Variants in DAB1 observed in about 807,000 individuals in gnomAD.
The protein encoded by DAB1 is disabled homolog 1.
A neutral mutation model predicts 64.6 loss-of-function variants in DAB1; 15 were observed. The observed-to-expected ratio is 0.23, with a 90% CI of 0.16 to 0.36. The LOEUF (loss-of-function observed/expected upper bound fraction) is 0.36. Ranked by LOEUF, DAB1 falls within the 10% of genes least tolerant of loss-of-function variation. DAB1 has a pLI of 1.00. For missense variants in DAB1, 596 were observed against 706.7 expected (o/e 0.84, Z 1.78); for synonymous variants, 235 against 251.9 (o/e 0.93, Z 0.64).
At chr1:57,290,410 C>T (rs1672677130) in intron 2 of DAB1, among the ~76,000 whole-genome samples, 1 of 152,138 alleles carries the variant, frequency 6.6e-6, no homozygotes, top group South Asian at 2.1e-4. Flanking sequence ...GAATCTGACA[C>T]TTTGAGATGA....
At chr1:57,129,157 G>A (rs1372842988) in intron 4 of DAB1, among the ~76,000 whole-genome samples, 1 of 152,090 alleles carries the variant, frequency 6.6e-6, no homozygotes, top group Non-Finnish European at 1.5e-5. Flanking sequence ...GAAAATTTCT[G>A]AGTTGACCAA....
At chr1:57,958,810 C>T (rs1004151974) in intron 5 of DAB1, among the ~76,000 whole-genome samples, 1 of 152,118 alleles carries the variant, frequency 6.6e-6, no homozygotes, top group African/African-American at 2.4e-5. Flanking sequence ...CATCATCTTC[C>T]TTCTATGCTT....
At chr1:57,194,712 G>C (rs1664474306) in intron 2 of DAB1, among the ~76,000 whole-genome samples, 1 of 152,176 alleles carries the variant, frequency 6.6e-6, no homozygotes, top group Non-Finnish European at 1.5e-5. Context: ...CCACTAGCCT[G>C]AGTGCTAGTG....
intron 3 of DAB1, among the ~76,000 whole-genome samples, chr1:58,350,178 T>C: frequency 6.6e-6 from 1 of 152,264 alleles, no homozygotes; most frequent in Non-Finnish European, 1.5e-5. Context: ...TATCTCATTG[T>C]GGTTTTGATT....
intron 7 of DAB1, among the ~76,000 whole-genome samples, chr1:57,507,910 T>A (rs1644363756): frequency 6.6e-6 from 1 of 152,198 alleles, no homozygotes; most frequent in Non-Finnish European, 1.5e-5. Context: ...TCTACCACAA[T>A]GATTCAAAAA....
intron 4 of DAB1, among the ~76,000 whole-genome samples, chr1:58,320,882 C>A (rs555457208): frequency 6.6e-6 from 1 of 152,132 alleles, no homozygotes; most frequent in Non-Finnish European, 1.5e-5. Flanking sequence ...GGCAAGAGAT[C>A]GGAGGAGGAG....
intron 5 of DAB1, among the ~76,000 whole-genome samples, chr1:58,013,025 C>T (rs1646690458): frequency 6.6e-6 from 1 of 152,138 alleles, no homozygotes; most frequent in African/African-American, 2.4e-5. Context: ...TTCCTTATTA[C>T]ACAAAATGAC....
At chr1:57,275,846 C>T (rs1462586743) in intron 2 of DAB1, among the ~76,000 whole-genome samples, 1 of 152,180 alleles carries the variant, frequency 6.6e-6, no homozygotes, top group Non-Finnish European at 1.5e-5. Flanking sequence ...AGAAGATAAA[C>T]ACTGTATCCG....
intron 9 of DAB1, among the ~76,000 whole-genome samples, chr1:57,055,821 C>G (rs1163314425): frequency 6.6e-6 from 1 of 151,956 alleles, no homozygotes; most frequent in Non-Finnish European, 1.5e-5. Context: ...ATCAATATCT[C>G]AAAGAGACTG....
At chr1:57,269,584 T>C (rs1558059254) in intron 2 of DAB1, among the ~76,000 whole-genome samples, 1 of 152,114 alleles carries the variant, frequency 6.6e-6, no homozygotes, top group Non-Finnish European at 1.5e-5. Flanking sequence ...CCTGAACCCA[T>C]GCACAGGTTT....
intron 3 of DAB1, among the ~76,000 whole-genome samples, chr1:58,452,566 T>C (rs1441993761): frequency 6.6e-6 from 1 of 151,320 alleles, no homozygotes; most frequent in Non-Finnish European, 1.5e-5. Context: ...TCCCAGCACT[T>C]TGGGAGGCCA....
Position 57,755,686 on chromosome 1 carries a change from GTCT to G in DAB1, n.552-106024_552-106022del, listed in dbSNP as rs1233258149. 5.9e-5 allele frequency among the ~76,000 whole-genome samples: 9 copies of G among 152,250 alleles called. No homozygotes were observed. In the South Asian group the frequency reaches 1.2e-3, roughly 21 times the overall value. ...CCTGTTCATTCATCCTCTTCAGAATGTCTTCTTCTTGTTAGGTTTGGATTTGGT... is the reference window on the plus strand; with the variant it reads ...CCTGTTCATTCATCCTCTTCAGAATGTCTTCTTGTTAGGTTTGGATTTGGT... On this transcript the variant is annotated intron_variant and non_coding_transcript_variant, in intron 6 of 20. Coordinates refer to the DAB1 transcript ENST00000485760.
chr1:58,185,778 T>C (rs2100213327), intron 4 of DAB1, among the ~76,000 whole-genome samples: 1 of 152,274 alleles, frequency 6.6e-6, no homozygotes, highest in East Asian at 1.9e-4. Context: ...ATAGAAGTAA[T>C]GAAGCTCTTA....
chr1:57,269,499 A>G (rs904275720), intron 2 of DAB1, among the ~76,000 whole-genome samples: 2 of 152,016 alleles, frequency 1.3e-5, no homozygotes, highest in Admixed American at 1.3e-4. Flanking sequence ...CTGGCCACTC[A>G]CAGAACAAAT....
At chr1:57,463,482 T>C (rs993928911) in intron 7 of DAB1, among the ~76,000 whole-genome samples, 1 of 152,092 alleles carries the variant, frequency 6.6e-6, no homozygotes, top group Non-Finnish European at 1.5e-5. Context: ...AAGGAAGAAA[T>C]TCAATGCTCA....
intron 6 of DAB1, among the ~76,000 whole-genome samples, chr1:57,677,786 C>T (rs963812812): frequency 2.0e-5 from 3 of 152,132 alleles, no homozygotes. Flanking sequence ...ATTGAATGCT[C>T]ATTCTTTGCA....
At chr1:57,142,298 AGTGGGCCTTTTT>A (rs1443813670) in intron 3 of DAB1, among the ~76,000 whole-genome samples, 7 of 145,090 alleles carry the variant, frequency 4.8e-5, no homozygotes, top group Non-Finnish European at 1.1e-4. Context: ...AACGTGAGTA[AGTGGGCCTTTTT>A]GGAAGGGTAA....
At chr1:57,731,359 CAGTT>C (rs1647406454) in intron 6 of DAB1, among the ~76,000 whole-genome samples, 2 of 151,884 alleles carry the variant, frequency 1.3e-5, no homozygotes, top group African/African-American at 4.8e-5. Flanking sequence ...TACAGAGTAT[CAGTT>C]AGGGAAGATG....
chr1:57,335,369 TA>T lies in DAB1; in HGVS notation c.-136-44204del, dbSNP rs1676998819. ...GATTAAACACAATTTGTATTGTCAA[TA>T]AAAAATGCAAATGACTATTTTACTG... On this transcript the variant is annotated intron_variant, in intron 1 of 14. Transcript: ENST00000371236. Among the ~76,000 whole-genome samples the T allele has an allele frequency of 3.9e-5, 6 of 152,294 alleles. 1 individual carries two copies. Among genetic ancestry groups the T allele is most frequent in the African/African-American group, 1.4e-4 (6 of 41,550 alleles).
Sources: allele counts gnomAD v4.1 joint callset (sites outside exome capture counted in the v4.1 genomes callset), GRCh38; gene constraint gnomAD v4.1.1; transcripts MANE v1.5; gene names NCBI Gene and HGNC (gene_info 2026-07-23, HGNC 2026-07-21).